COL24A1: variants seen among roughly 807,000 people sequenced by gnomAD.
The protein encoded by COL24A1 is collagen type XXIV alpha 1 chain.
In COL24A1, 224 loss-of-function variants were observed where a neutral mutation model predicts 253.9. The observed-to-expected ratio is 0.88, with a 90% confidence interval of 0.79 to 0.99. COL24A1 has a LOEUF of 0.99. Ranked by LOEUF, COL24A1 falls within the 50% of genes least tolerant of loss-of-function variation. The pLI, the probability that COL24A1 is intolerant of heterozygous loss-of-function variation, is 0.00. For synonymous variants in COL24A1, 685 were observed against 673.7 expected (o/e 1.02, Z -0.26); for missense variants, 2,131 against 2,068.5 (o/e 1.03, Z -0.59).
intron 43 of COL24A1, among the ~76,000 whole-genome samples, chr1:85,829,970 C>T (rs1197571598): frequency 6.6e-6 from 1 of 152,092 alleles, no homozygotes; most frequent in East Asian, 1.9e-4. Flanking sequence ...TGGTGAGGAA[C>T]TGCGTTCCTT....
intron 42 of COL24A1, 149 bp downstream of exon 42, chr1:85,841,073 T>G (rs1376554778): frequency 1.7e-6 from 1 of 590,584 alleles, no homozygotes; most frequent in African/African-American, 2.0e-5. Context: ...TCATTTAAAT[T>G]TTGTGACCAT....
intron 24 of COL24A1, among the ~76,000 whole-genome samples, chr1:85,934,005 C>G (rs1210925160): frequency 6.6e-6 from 1 of 152,128 alleles, no homozygotes; most frequent in African/African-American, 2.4e-5. Context: ...TTAGTTCTGG[C>G]TGAGGATCTT....
At chr1:85,964,941 A>C in intron 23 of COL24A1, 68 bp downstream of exon 23, 1 of 1,376,526 alleles carries the variant, frequency 7.3e-7, no homozygotes, top group Admixed American at 1.8e-5. Flanking sequence ...TCACATTTGT[A>C]TGAAAGTCAT....
At chr1:86,012,360 T>C (rs521314) in intron 19 of COL24A1, among the ~76,000 whole-genome samples, 47,701 of 151,870 alleles carry the variant, frequency 0.31, 8,047 homozygotes, top group Middle Eastern at 0.51. Flanking sequence ...GAGGCCGAGG[T>C]GGGCAGATCA....
chr1:85,919,182 G>A (rs1037722037), intron 24 of COL24A1, among the ~76,000 whole-genome samples: 13 of 152,182 alleles, frequency 8.5e-5, no homozygotes, highest in Non-Finnish European at 1.5e-4. Context: ...TAGAGTGCAA[G>A]TAAGAAATAA....
At chr1:86,005,657 A>G (rs958676742) in intron 19 of COL24A1, among the ~76,000 whole-genome samples, 5 of 152,278 alleles carry the variant, frequency 3.3e-5, no homozygotes, top group Admixed American at 2.6e-4. Flanking sequence ...TTAGAAAAGG[A>G]ACAAAGCAAG....
At chr1:85,814,126 A>C (rs2101906130) in intron 47 of COL24A1, among the ~76,000 whole-genome samples, 1 of 152,338 alleles carries the variant, frequency 6.6e-6, no homozygotes, top group Middle Eastern at 3.4e-3. Flanking sequence ...TTTTCTGCTT[A>C]GGTTAGCCAG....
intron 35 of COL24A1, 135 bp from the exon 36 acceptor site, chr1:85,868,970 G>A (rs976370977): frequency 2.8e-5 from 16 of 566,000 alleles, no homozygotes; most frequent in African/African-American, 1.4e-4. Context: ...TTTCTAAAGA[G>A]GATTTGACAG....
chr1:85,767,136 G>T lies in COL24A1; in HGVS notation c.4375-5570C>A, dbSNP rs893866752. On this transcript the variant is annotated intron_variant, in intron 53 of 59. Transcript: ENST00000370571. Reference sequence around the variant, plus strand: ...ATAATAATAATAATAATAATAATAAGATTGACAAACCAATTTGATAGATTG... The same window carrying T: ...ATAATAATAATAATAATAATAATAATATTGACAAACCAATTTGATAGATTG... 1.4e-5 allele frequency among the ~76,000 whole-genome samples: 2 copies of T among 141,214 alleles called. 1 individual carries two copies. The highest frequency in any genetic ancestry group is 4.6e-4 in the South Asian group (2 of 4,394). 92.6% of individuals were successfully genotyped at this position (141,214 alleles called of 152,430 possible).
intron 24 of COL24A1, among the ~76,000 whole-genome samples, chr1:85,955,088 A>G (rs576881543): frequency 1.3e-5 from 2 of 152,338 alleles, no homozygotes; most frequent in South Asian, 2.1e-4. Context: ...CTGTGCCGCT[A>G]TAAGCCGGAT....
intron 20 of COL24A1, among the ~76,000 whole-genome samples, chr1:85,978,301 A>G (rs2100832614): frequency 6.6e-6 from 1 of 152,200 alleles, no homozygotes; most frequent in Non-Finnish European, 1.5e-5. Flanking sequence ...ACAGGCCTAT[A>G]AAACAACAAC....
At chr1:86,142,528 A>G (rs542198261) in intron 2 of COL24A1, among the ~76,000 whole-genome samples, 2 of 149,634 alleles carry the variant, frequency 1.3e-5, no homozygotes, top group Non-Finnish European at 3.0e-5. Flanking sequence ...GCCTCAAAAA[A>G]AAAAACAAAA....
At chr1:86,066,466 G>A (rs868695872) in intron 7 of COL24A1, among the ~76,000 whole-genome samples, 6 of 151,622 alleles carry the variant, frequency 4.0e-5, no homozygotes, top group Admixed American at 1.3e-4. Context: ...GGACGGTCTC[G>A]ATCTCCTGAC....
rs1571320039 is a variant in COL24A1 at position 85,945,012 on chromosome 1, T to TG, written c.2562+16236_2562+16237insC. ...CCAGTCTATCATTGTGTTTTTTTTT[T>TG]TTTTTTTTTTTTTTTTTTTTTTTGA... On this transcript the variant is annotated intron_variant, in intron 24 of 59. Transcript: ENST00000370571. 4.5e-4 allele frequency among the ~76,000 whole-genome samples: 34 copies of TG among 75,948 alleles called. 1 individual carries two copies. In the East Asian group the frequency reaches 9.0e-3, roughly 20 times the overall value. 49.8% of individuals were successfully genotyped at this position (75,948 alleles called of 152,430 possible). A position where few individuals can be genotyped will look rare whatever the true frequency, so the allele number is the denominator to read the frequency against.
intron 24 of COL24A1, among the ~76,000 whole-genome samples, chr1:85,926,865 G>A (rs528320770): frequency 6.6e-6 from 1 of 151,852 alleles, no homozygotes; most frequent in African/African-American, 2.4e-5. Flanking sequence ...AGGAGAACCA[G>A]GAATGCACAA....
intron 28 of COL24A1, among the ~76,000 whole-genome samples, chr1:85,905,185 A>G (rs1684685542): frequency 6.6e-6 from 1 of 152,132 alleles, no homozygotes; most frequent in Admixed American, 6.6e-5. Flanking sequence ...AGGTATGCTG[A>G]AAATAGTGCC....
At chr1:85,866,904 G>A (rs1407032134) in intron 37 of COL24A1, among the ~76,000 whole-genome samples, 1 of 152,158 alleles carries the variant, frequency 6.6e-6, no homozygotes, top group African/African-American at 2.4e-5. Context: ...TACCACTGCT[G>A]TAAAACTGAA....
At chr1:86,151,920 C>T (rs1652830653) in intron 1 of COL24A1, among the ~76,000 whole-genome samples, 1 of 152,162 alleles carries the variant, frequency 6.6e-6, no homozygotes. Flanking sequence ...GTGAACAAAT[C>T]TGAAAGACAC....
At chr1:85,870,312 T>C (rs1212664478) in intron 35 of COL24A1, among the ~76,000 whole-genome samples, 1 of 152,028 alleles carries the variant, frequency 6.6e-6, no homozygotes, top group Non-Finnish European at 1.5e-5. Flanking sequence ...AACAAGGATA[T>C]CCAGGAATTG....
Sources: gnomAD v4.1 joint callset for allele counts (sites outside exome capture counted in the v4.1 genomes callset) on GRCh38, gnomAD v4.1.1 for gene constraint, MANE v1.5 for transcripts, NCBI Gene and HGNC (gene_info 2026-07-23, HGNC 2026-07-21) for gene names.